The following ZNF395 variants were observed in gnomAD, a reference collection of about 807,000 sequenced individuals.
ZNF395 encodes HD gene regulatory region-binding protein 2.
A neutral mutation model predicts 57.7 loss-of-function variants in ZNF395; 20 were observed. The ratio of observed to expected loss-of-function variants is 0.35; its 90% CI spans 0.24 to 0.50. The LOEUF (loss-of-function observed/expected upper bound fraction) is 0.50, where lower values mean the gene tolerates loss of function less well. Among genes scored for constraint, ZNF395 ranks in the 20% least tolerant of loss-of-function variants. The probability of loss-of-function intolerance (pLI) is 0.97; values close to 1 mark genes in which losing one functional copy is unlikely to be tolerated. For synonymous variants in ZNF395, 295 were observed against 275.9 expected (o/e 1.07, Z -0.69); for missense variants, 606 against 671.2 (o/e 0.90, Z 1.07).
intron 4 of ZNF395, among the ~76,000 whole-genome samples, chr8:28,354,945 A>AT (rs1321288113): frequency 6.6e-6 from 1 of 151,828 alleles, no homozygotes; most frequent in African/African-American, 2.4e-5. Flanking sequence ...GCCCTTCCCT[A>AT]TAGGAACCAC....
In ZNF395 at chr8:28,359,525, C is replaced by A; in HGVS notation, c.473+67G>T. ...ACCACATTTCTTCCCCACCACAACA[C>A]AGCCCACACCCTTACACCACACTAC... On this transcript the variant is annotated intron_variant, in intron 3 of 9. Transcript: ENST00000344423. The surrounding 1 kb of genome is among the most constrained non-coding windows in gnomAD (Gnocchi z 4.7). 2 of 1,492,064 alleles carry A rather than the reference C, an allele frequency of 1.3e-6. No individual in the cohort carries two copies. Among genetic ancestry groups the A allele is most frequent in the South Asian group, 2.8e-5 (2 of 70,320 alleles). 92.4% of individuals were successfully genotyped at this position (1,492,064 alleles called of 1,614,324 possible).
chr8:28,362,825 T>A (rs1470032987), intron 1 of ZNF395, among the ~76,000 whole-genome samples: 1 of 152,020 alleles, frequency 6.6e-6, no homozygotes, highest in Non-Finnish European at 1.5e-5. Flanking sequence ...AAATATTGAG[T>A]AAAGGGGCAA....
chr8:28,370,791 C>T (rs1801967503), intron 1 of ZNF395, among the ~76,000 whole-genome samples: 1 of 152,194 alleles, frequency 6.6e-6, no homozygotes. Flanking sequence ...AGCAGGTAGA[C>T]TGGACTTAGT....
intron 1 of ZNF395, among the ~76,000 whole-genome samples, chr8:28,378,874 T>C (rs1802077238): frequency 6.6e-6 from 1 of 152,216 alleles, no homozygotes. Context: ...ATTTCTTCTG[T>C]TGGACAGATC....
rs1801822108 is a variant in ZNF395, at chr8:28,359,517, C to T, written c.473+75G>A. The T allele has an allele frequency of 8.7e-6, 13 of 1,486,114 alleles. No homozygotes were observed. The South Asian group carries it at 1.9e-4, about 21-fold the overall frequency. The allele number at this position is 1,486,114 out of a possible 1,614,324, so 92.1% of individuals were successfully genotyped here. Reference sequence around the variant, plus strand: ...CCAATGACACCACATTTCTTCCCCACCACAACACAGCCCACACCCTTACAC... The same window carrying T: ...CCAATGACACCACATTTCTTCCCCATCACAACACAGCCCACACCCTTACAC... On this transcript the variant is annotated intron_variant, in intron 3 of 9. Coordinates refer to ENST00000344423, the MANE Select transcript of ZNF395 (RefSeq NM_018660.3). This position sits in a 1 kb window ranked among gnomAD's most constrained non-coding sequence, Gnocchi z 4.7.
At chr8:28,368,949 C>G (rs1203693804) in intron 1 of ZNF395, among the ~76,000 whole-genome samples, 5 of 152,084 alleles carry the variant, frequency 3.3e-5, no homozygotes, top group Admixed American at 3.3e-4. Flanking sequence ...AATTCTCCTG[C>G]CTCAGCCTCC....
Position 28,359,866 on chromosome 8 carries a change from G to A in ZNF395, c.241-42C>T. On this transcript the variant is annotated intron_variant, in intron 2 of 9. Transcript: ENST00000344423. This position sits in a 1 kb window ranked among gnomAD's most constrained non-coding sequence, Gnocchi z 4.7. ...AGCAGTTAGTGGTCAGCCCTGGATG[G>A]GTCTCGCCCTGAAGTTCTCATGCAC... The A allele has an allele frequency of 6.3e-7, 1 of 1,584,532 alleles. No homozygotes were observed.
chr8:28,363,083 GA>G (rs2129964353), intron 1 of ZNF395, among the ~76,000 whole-genome samples: 1 of 148,406 alleles, frequency 6.7e-6, no homozygotes, highest in South Asian at 2.1e-4. Flanking sequence ...CCACTATAAA[GA>G]AAAAAATGTA....
chr8:28,346,774 G>GA lies in ZNF395; in HGVS notation c.*1944dup, dbSNP rs1801607624. On this transcript the variant is annotated 3_prime_UTR_variant, in exon 10 of 10. Transcript: ENST00000344423. Reference sequence around the variant, plus strand: ...CAAGAACGTGCCCTCCCCTCCCCATGAGGACCTGAAGCTGGGGGTTGTCTT... The same window carrying GA: ...CAAGAACGTGCCCTCCCCTCCCCATGAAGGACCTGAAGCTGGGGGTTGTCTT... The GA allele has an allele frequency of 6.6e-6, 1 of 151,658 alleles. No homozygotes were observed. Among genetic ancestry groups the GA allele is most frequent in the Non-Finnish European group, 1.5e-5 (1 of 67,914 alleles). 9.4% of individuals were successfully genotyped at this position (151,658 alleles called of 1,614,324 possible).
chr8:28,371,503 T>C, intron 1 of ZNF395, among the ~76,000 whole-genome samples: 1 of 152,198 alleles, frequency 6.6e-6, no homozygotes, highest in East Asian at 1.9e-4. Context: ...TTCTACTATG[T>C]TGTACAGCCA....
At chr8:28,362,222 T>C (rs1465849553) in intron 1 of ZNF395, among the ~76,000 whole-genome samples, 1 of 152,176 alleles carries the variant, frequency 6.6e-6, no homozygotes, top group Non-Finnish European at 1.5e-5. Context: ...TGAACAGGCC[T>C]CTCGAAGTGG....
At position 28,352,550 on chromosome 8, in the gene ZNF395, A is replaced by G. The variant is rs372985288; in HGVS notation, c.920+23T>C. On this transcript the variant is annotated intron_variant, in intron 6 of 9. Transcript: ENST00000344423. This position sits in a 1 kb window ranked among gnomAD's most constrained non-coding sequence, Gnocchi z 4.0. ...GGACACCCACACGCGACCCTAGGCT[A>G]GAGGCCCTGGGCTCGCACATACCCC... The G allele has an allele frequency of 2.5e-6, 4 of 1,606,060 alleles. No individual in the cohort carries two copies. Among genetic ancestry groups the G allele is most frequent in the Admixed American group, 1.7e-5 (1 of 59,958 alleles).
At chr8:28,365,291 C>G (rs377562952) in intron 1 of ZNF395, 2 of 152,208 alleles carry the variant, frequency 1.3e-5, no homozygotes, top group African/African-American at 4.8e-5. Context: ...AACTCTGGGC[C>G]GCCCGTGACT....
chr8:28,385,196 T>C (rs755367948), intron 1 of ZNF395: 2 of 152,228 alleles, frequency 1.3e-5, no homozygotes, highest in African/African-American at 2.4e-5. Flanking sequence ...GCCTGCCCGG[T>C]GGAAGTCCTC....
chr8:28,358,001 C>G (rs933319298), intron 3 of ZNF395, among the ~76,000 whole-genome samples: 6 of 152,186 alleles, frequency 3.9e-5, no homozygotes, highest in Admixed American at 1.3e-4. Context: ...ATTCTTCATT[C>G]ACCAGTGGTT....
chr8:28,368,113 GAC>G (rs935841248), intron 1 of ZNF395, among the ~76,000 whole-genome samples: 7 of 152,146 alleles, frequency 4.6e-5, no homozygotes, highest in African/African-American at 1.2e-4. Context: ...CAAACCACAT[GAC>G]AGTTCCAGAA....
chr8:28,361,383 C>T (rs1044111335), intron 1 of ZNF395, among the ~76,000 whole-genome samples: 4 of 152,228 alleles, frequency 2.6e-5, no homozygotes, highest in Non-Finnish European at 4.4e-5. Flanking sequence ...TCCTATGCAG[C>T]AGGCCAGGCT....
At chr8:28,349,958 G>T (rs111760606) in intron 8 of ZNF395, 106 bp downstream of exon 8, 4 of 1,014,364 alleles carry the variant, frequency 3.9e-6, no homozygotes, top group East Asian at 2.9e-5. Flanking sequence ...TGGCCACACC[G>T]ACCTGTGGCC....
At chr8:28,353,665 AT>A (rs145009873) in intron 4 of ZNF395, among the ~76,000 whole-genome samples, 2 of 151,542 alleles carry the variant, frequency 1.3e-5, no homozygotes, top group Non-Finnish European at 2.9e-5. Context: ...TTAAACAAAA[AT>A]TTTTTTTTAG....
Sources: gnomAD v4.1 joint callset for allele counts (sites outside exome capture counted in the v4.1 genomes callset) on GRCh38, gnomAD v4.1.1 for gene constraint, Gnocchi (gnomAD v3.1) non-coding constraint, MANE v1.5 for transcripts, NCBI Gene and HGNC (gene_info 2026-07-23, HGNC 2026-07-21) for gene names.